PXT1: variants seen among roughly 807,000 people sequenced by gnomAD.
PXT1 encodes the protein peroxisomal testis-specific protein 1.
In PXT1, 11 loss-of-function variants were observed where a neutral mutation model predicts 11.0. The observed-to-expected ratio is 1.00, with a 90% confidence interval of 0.63 to 1.66. PXT1 has a LOEUF of 1.66. Ranked by LOEUF, PXT1 falls within the 40% of genes most tolerant of loss-of-function variation. The pLI, the probability that PXT1 is intolerant of heterozygous loss-of-function variation, is 0.00. For missense variants in PXT1, 141 were observed against 155.5 expected (o/e 0.91, Z 0.49); for synonymous variants, 43 against 51.4 (o/e 0.84, Z 0.70).
Position 36,435,208 on chromosome 6 carries a change from G to C in PXT1, c.-10+3559C>G, listed in dbSNP as rs143443795. ...TAATCCCAGCATTTGGGAGGCTGAG[G>C]AGGGAAGATTGCTTCAGCCCAGAAG... On this transcript the variant is annotated intron_variant, in intron 2 of 4. Transcript: ENST00000454782. 3.4e-3 allele frequency among the ~76,000 whole-genome samples: 520 copies of C among 152,332 alleles called. 1 individual carries two copies. Among genetic ancestry groups the C allele is most frequent in the African/African-American group, 0.012 (494 of 41,586 alleles).
At chr6:36,434,932 G>T (rs898247885) in intron 2 of PXT1, among the ~76,000 whole-genome samples, 34 of 152,214 alleles carry the variant, frequency 2.2e-4, no homozygotes, top group African/African-American at 7.7e-4. Flanking sequence ...TCTTTTAACA[G>T]CTTAGGGAGA....
At chr6:36,420,732 T>C (rs1774512328) in intron 3 of PXT1, among the ~76,000 whole-genome samples, 2 of 152,232 alleles carry the variant, frequency 1.3e-5, no homozygotes, top group African/African-American at 4.8e-5. Flanking sequence ...TATTAATTCA[T>C]AAATACTTAT....
At chr6:36,428,450 T>C (rs142607372) in intron 2 of PXT1, among the ~76,000 whole-genome samples, 65 of 144,292 alleles carry the variant, frequency 4.5e-4, no homozygotes, top group African/African-American at 1.5e-3. Flanking sequence ...ATGAGCAAAG[T>C]TGATAATCAA....
intron 1 of PXT1, among the ~76,000 whole-genome samples, chr6:36,441,231 T>A (rs1287812051): frequency 6.6e-6 from 1 of 152,228 alleles, no homozygotes; most frequent in African/African-American, 2.4e-5. Context: ...TATTTTTCTT[T>A]GACTCAAAGG....
chr6:36,422,266 T>C (rs1774533268), intron 3 of PXT1, among the ~76,000 whole-genome samples: 1 of 152,154 alleles, frequency 6.6e-6, no homozygotes, highest in Admixed American at 6.5e-5. Flanking sequence ...TTAATGTATG[T>C]ATAGTGGAAA....
At chr6:36,409,873 G>GA (rs1275766361) in intron 3 of PXT1, among the ~76,000 whole-genome samples, 1 of 128,986 alleles carries the variant, frequency 7.8e-6, no homozygotes, top group African/African-American at 2.8e-5. Context: ...AGAAAGAAAA[G>GA]AAAAGAAGGA....
At chr6:36,400,021 A>T (rs1774192017) in intron 4 of PXT1, among the ~76,000 whole-genome samples, 1 of 152,176 alleles carries the variant, frequency 6.6e-6, no homozygotes, top group Admixed American at 6.5e-5. Flanking sequence ...GAATTTCTCC[A>T]GGTTGGGCCC....
intron 3 of PXT1, among the ~76,000 whole-genome samples, chr6:36,409,385 C>T (rs1365231557): frequency 6.6e-6 from 1 of 152,154 alleles, no homozygotes; most frequent in African/African-American, 2.4e-5. Flanking sequence ...GCTCCTGATG[C>T]TTGGAAGCCC....
At chr6:36,422,991 A>C (rs1287982967) in intron 3 of PXT1, among the ~76,000 whole-genome samples, 2 of 152,028 alleles carry the variant, frequency 1.3e-5, no homozygotes, top group African/African-American at 4.8e-5. Context: ...GATGTGTATC[A>C]GGATGGTTGC....
At position 36,390,895 on chromosome 6, in the gene PXT1, C is replaced by CT. The variant is rs1173499038; in HGVS notation, c.*874dup. On this transcript the variant is annotated 3_prime_UTR_variant, in exon 5 of 5. Coordinates refer to ENST00000454782, the MANE Select transcript of PXT1 (RefSeq NM_152990.4). ...TGATAGATTCATAACTCTTTCAGGT[C>CT]TTACATTCTTCTAGAAGGCAGGACT... 1 of 152,210 alleles carries CT rather than the reference C, an allele frequency of 6.6e-6. No homozygotes were observed. The highest frequency in any genetic ancestry group is 1.5e-5 in the Non-Finnish European group (1 of 68,036). 9.4% of individuals were successfully genotyped at this position (152,210 alleles called of 1,614,324 possible). A position where few individuals can be genotyped will look rare whatever the true frequency, so the allele number is the denominator to read the frequency against.
rs536786769 is a variant in PXT1, at chr6:36,391,452, T to C, written c.*318A>G. 1.2e-4 allele frequency: 32 copies of C among 276,042 alleles called. No individual in the cohort carries two copies. Among genetic ancestry groups the C allele is most frequent in the African/African-American group, 7.3e-4 (32 of 44,084 alleles). 17.1% of individuals were successfully genotyped at this position (276,042 alleles called of 1,614,324 possible). ...GTTCTCTTTCATTCCTGGAAGGAAA[T>C]GTTCAAGGTTTCCTCACAAGGAGCC... On this transcript the variant is annotated 3_prime_UTR_variant, in exon 5 of 5. Transcript: ENST00000454782.
intron 3 of PXT1, among the ~76,000 whole-genome samples, chr6:36,420,895 A>G (rs1175471846): frequency 6.6e-6 from 1 of 152,054 alleles, no homozygotes; most frequent in Non-Finnish European, 1.5e-5. Flanking sequence ...CCTACTAAAA[A>G]TACAAAAAAA....
chr6:36,428,746 C>CT lies in PXT1; in HGVS notation c.-9-2656dup, dbSNP rs59081249. On this transcript the variant is annotated intron_variant, in intron 2 of 4. Coordinates refer to ENST00000454782, the MANE Select transcript of PXT1 (RefSeq NM_152990.4). The stretch of plus-strand genomic sequence containing the variant: ...TGCTAATTATATTTTTCATCTAAAA[C>CT]TTTTTTTTTTTTTGAGACGGAGTCT... Among the ~76,000 whole-genome samples, 211 of 146,560 alleles carry CT rather than the reference C, an allele frequency of 1.4e-3. 4 individuals are homozygous for CT. In the South Asian group the frequency reaches 0.032, roughly 22 times the overall value.
intron 3 of PXT1, among the ~76,000 whole-genome samples, chr6:36,412,931 T>A (rs2180928): frequency 0.49 from 70,251 of 142,864 alleles, 16,893 homozygotes; most frequent in Middle Eastern, 0.61. Context: ...AAAGAAAAAA[T>A]GTTAAGTCAA....
In PXT1 at chr6:36,426,093, T is replaced by G. The variant is rs758941917; in HGVS notation, c.-9-2A>C. On this transcript the variant is annotated splice_acceptor_variant, in intron 2 of 4. Coordinates refer to ENST00000454782, the MANE Select transcript of PXT1 (RefSeq NM_152990.4). LOFTEE classifies it low-confidence loss of function (5UTR_SPLICE). ...ATGTTTTTTCTTCATGTTTTTTCCCTGTTGAAAAACATATTTTCAGAGGCT... is the reference window on the plus strand; with the variant it reads ...ATGTTTTTTCTTCATGTTTTTTCCCGGTTGAAAAACATATTTTCAGAGGCT... 14 of 1,493,836 alleles carry G rather than the reference T, an allele frequency of 9.4e-6. No individual in the cohort carries two copies. 92.5% of individuals were successfully genotyped at this position (1,493,836 alleles called of 1,614,324 possible).
chr6:36,412,220 C>T (rs371576491), intron 3 of PXT1, among the ~76,000 whole-genome samples: 8 of 151,214 alleles, frequency 5.3e-5, no homozygotes, highest in East Asian at 2.0e-4. Context: ...GGCGTGGTGG[C>T]GTGCACCTGT....
intron 2 of PXT1, among the ~76,000 whole-genome samples, chr6:36,433,444 A>G (rs1260547503): frequency 6.6e-6 from 1 of 152,194 alleles, no homozygotes; most frequent in East Asian, 1.9e-4. Flanking sequence ...ATTCTACAAG[A>G]AAACTGCTCT....
intron 3 of PXT1, among the ~76,000 whole-genome samples, chr6:36,411,553 A>G (rs145030234): frequency 3.9e-4 from 59 of 152,342 alleles, no homozygotes; most frequent in African/African-American, 1.4e-3. Flanking sequence ...GGTAAACACT[A>G]TATAAATGTT....
chr6:36,394,740 A>G (rs1398729027), intron 4 of PXT1, among the ~76,000 whole-genome samples: 1 of 151,958 alleles, frequency 6.6e-6, no homozygotes, highest in African/African-American at 2.4e-5. Flanking sequence ...AAAAAACTGA[A>G]TTAAAAAAAA....
Sources: gnomAD v4.1 joint callset for allele counts (sites outside exome capture counted in the v4.1 genomes callset) on GRCh38, gnomAD v4.1.1 for gene constraint, MANE v1.5 for transcripts, NCBI Gene and HGNC (gene_info 2026-07-23, HGNC 2026-07-21) for gene names.